Variants in VCAN observed in about 807,000 individuals in gnomAD.
VCAN encodes the protein versican core protein.
A neutral mutation model predicts 245.5 loss-of-function variants in VCAN; 44 were observed. The observed-to-expected ratio is 0.18, with a 90% CI of 0.14 to 0.23. VCAN has a LOEUF of 0.23. Ranked by LOEUF, VCAN falls within the 10% of genes least tolerant of loss-of-function variation. VCAN has a pLI of 1.00. For missense variants in VCAN, 3,793 were observed against 4,057.9 expected, an observed-to-expected ratio of 0.93 and a Z score of 1.77; for synonymous variants, 1,413 against 1,437.0, an observed-to-expected ratio of 0.98 and a Z score of 0.38.
At chr5:83,548,123 G>C in intron 10 of VCAN, 39 bp downstream of exon 10, 1 of 1,550,692 alleles carries the variant, frequency 6.4e-7, no homozygotes, top group South Asian at 1.1e-5. Flanking sequence ...GAACATTATT[G>C]ATTTTTTTTT....
chr5:83,558,317 G>A (rs1747748010), intron 12 of VCAN, among the ~76,000 whole-genome samples: 1 of 152,124 alleles, frequency 6.6e-6, no homozygotes, highest in Non-Finnish European at 1.5e-5. Context: ...TGGTCAGGGG[G>A]ATCAGTATCT....
At chr5:83,532,803 G>A (rs531790391) in intron 7 of VCAN, among the ~76,000 whole-genome samples, 73 of 152,122 alleles carry the variant, frequency 4.8e-4, no homozygotes, top group Middle Eastern at 3.4e-3. Context: ...ATTACTTTCA[G>A]AAAAAGGAAA....
At chr5:83,513,935 T>C (rs945211431) in intron 6 of VCAN, among the ~76,000 whole-genome samples, 6 of 152,302 alleles carry the variant, frequency 3.9e-5, no homozygotes, top group Middle Eastern at 3.4e-3. Context: ...TTTCTTGTGC[T>C]TTATTAATAA....
chr5:83,488,992 A>T (rs927224706), intron 2 of VCAN, among the ~76,000 whole-genome samples: 1 of 152,152 alleles, frequency 6.6e-6, no homozygotes, highest in South Asian at 2.1e-4. Context: ...CTTTTCTCCA[A>T]CTGTGTTTAC....
At chr5:83,500,804 A>G (rs1057070833) in intron 5 of VCAN, among the ~76,000 whole-genome samples, 5 of 152,292 alleles carry the variant, frequency 3.3e-5, no homozygotes, top group African/African-American at 9.6e-5. Flanking sequence ...TATTTGAGCA[A>G]TGATTGCATT....
chr5:83,519,418 C>T lies in VCAN; in HGVS notation c.1112C>T (p.Pro371Leu), dbSNP rs1745984120. 2.5e-6 allele frequency: 4 copies of T among 1,614,094 alleles called. No individual in the cohort carries two copies. The African/African-American group carries it at 4.0e-5, about 16-fold the overall frequency. ...ETASPSLSKE[P>L]QMVSDRTTPI... is the part of the protein sequence containing the mutation. Reference sequence around the variant, plus strand: ...GCATCACCCAGTTTATCCAAAGAACCACAAATGGTTTCTGATAGAACTACA... The same window carrying T: ...GCATCACCCAGTTTATCCAAAGAACTACAAATGGTTTCTGATAGAACTACA... Residue 371 changes from proline to leucine, a missense_variant, in exon 7 of 15, where the codon CCA (proline) becomes CTA (leucine). Coordinates refer to ENST00000265077, the MANE Select transcript of VCAN (RefSeq NM_004385.5).
At chr5:83,576,812 T>A (rs1490900840) in intron 13 of VCAN, among the ~76,000 whole-genome samples, 1 of 152,190 alleles carries the variant, frequency 6.6e-6, no homozygotes, top group Non-Finnish European at 1.5e-5. Context: ...CATTTTTTGA[T>A]ACGTCTCTCT....
chr5:83,511,578 T>G (rs567255623), intron 5 of VCAN, among the ~76,000 whole-genome samples: 1 of 151,896 alleles, frequency 6.6e-6, no homozygotes, highest in Admixed American at 6.6e-5. Context: ...TTATTTTTTT[T>G]TTTTTTTATT....
intron 7 of VCAN, among the ~76,000 whole-genome samples, chr5:83,533,714 A>T (rs1427791738): frequency 6.6e-6 from 1 of 152,144 alleles, no homozygotes; most frequent in African/African-American, 2.4e-5. Context: ...ATATTTATTT[A>T]GGTTAGAAAA....
rs778374884 is a variant in VCAN at position 83,539,663 on chromosome 5, TGTA to T, written c.6663_6665del (p.Val2222del). Reference sequence around the variant, plus strand: ...TAACTGAATCTATACCAGCTGAACATGTAGTCACAGATTCACCAATCAAAAAGG... The same window carrying T: ...TAACTGAATCTATACCAGCTGAACATGTCACAGATTCACCAATCAAAAAGG... On this transcript the variant is annotated inframe_deletion, in exon 8 of 15. Transcript: ENST00000265077. 1 of 1,613,790 alleles carries T rather than the reference TGTA, an allele frequency of 6.2e-7. No homozygotes were observed. Among genetic ancestry groups the T allele is most frequent in the Non-Finnish European group, 8.5e-7 (1 of 1,179,990 alleles).
chr5:83,515,998 C>A (rs1261481503), intron 6 of VCAN, among the ~76,000 whole-genome samples: 2 of 152,144 alleles, frequency 1.3e-5, no homozygotes, highest in Non-Finnish European at 2.9e-5. Context: ...TTTGGGAGGC[C>A]AAGGTGGGCG....
chr5:83,577,575 T>C (rs901550164), intron 13 of VCAN, among the ~76,000 whole-genome samples: 1 of 152,160 alleles, frequency 6.6e-6, no homozygotes, highest in Non-Finnish European at 1.5e-5. Flanking sequence ...AATAAGCCTT[T>C]ATCAAATTAT....
chr5:83,482,447 C>T (rs1200509027), intron 1 of VCAN, among the ~76,000 whole-genome samples: 1 of 152,196 alleles, frequency 6.6e-6, no homozygotes, highest in Non-Finnish European at 1.5e-5. Context: ...AAGATCATCC[C>T]TTGGGCTGGG....
chr5:83,519,616 A>G lies in VCAN; in HGVS notation c.1310A>G (p.Asp437Gly). Residue 437 changes from aspartate (D) to glycine (G), a missense_variant, in exon 7 of 15, where the codon GAT (aspartate) becomes GGT (glycine). This residue lies in a region of VCAN where 3,182 missense variants were observed against 3,250.3 expected (regional missense o/e 0.98). Coordinates refer to ENST00000265077, the MANE Select transcript of VCAN (RefSeq NM_004385.5). ...TGSTKKPWDM[D>G]DYSPSASGPL... ...AGTACCAAGAAGCCCTGGGATATGG[A>G]TGACTACTCACCTTCTGCTTCAGGA... 1 of 1,614,180 alleles carries G rather than the reference A, an allele frequency of 6.2e-7. No individual in the cohort carries two copies. The highest frequency in any genetic ancestry group is 8.5e-7 in the Non-Finnish European group (1 of 1,179,988).
At chr5:83,551,545 G>A (rs1747471663) in intron 10 of VCAN, among the ~76,000 whole-genome samples, 1 of 151,672 alleles carries the variant, frequency 6.6e-6, no homozygotes, top group Admixed American at 6.6e-5. Flanking sequence ...ACAAAAAAGG[G>A]GAAACCAAAC....
At chr5:83,567,758 G>A (rs1748141860) in intron 12 of VCAN, among the ~76,000 whole-genome samples, 1 of 152,184 alleles carries the variant, frequency 6.6e-6, no homozygotes, top group African/African-American at 2.4e-5. Flanking sequence ...GAGTCCCTGA[G>A]GCACAGACAA....
At position 83,537,070 on chromosome 5, in the gene VCAN, C is replaced by T; in HGVS notation, c.4067C>T (p.Pro1356Leu). ...PIDSESKEDE[P>L]CSEETDPVHD... ...GATTCAGAATCTAAAGAAGATGAAC[C>T]TTGTAGTGAAGAAACAGATCCAGTG... Residue 1356 changes from proline (P) to leucine (L), a missense_variant, in exon 8 of 15, where the codon CCT (proline) becomes CTT (leucine). By Grantham distance (98) the Pro-to-Leu change is moderately conservative (BLOSUM62 -3). Around this residue, in one of 5 missense-constraint regions of VCAN, gnomAD observed 3,182 missense variants for 3,250.3 expected, o/e 0.98. Coordinates refer to ENST00000265077, the MANE Select transcript of VCAN (RefSeq NM_004385.5). The T allele has an allele frequency of 6.2e-7, 1 of 1,613,422 alleles. No homozygotes were observed. The highest frequency in any genetic ancestry group is 8.5e-7 in the Non-Finnish European group (1 of 1,179,724).
In VCAN at chr5:83,540,456, G is replaced by A; in HGVS notation, c.7453G>A (p.Val2485Ile). The change falls in exon 8 of 15, where the codon GTT (valine) becomes ATT (isoleucine). Residue 2485 changes from valine (V) to isoleucine (I), a missense_variant. Val to Ile is a conservative substitution (Grantham distance 29). This residue lies in a region of VCAN where 3,182 missense variants were observed against 3,250.3 expected (regional missense o/e 0.98). Coordinates refer to ENST00000265077, the MANE Select transcript of VCAN (RefSeq NM_004385.5). ...KAVTADGFPT[V>I]SVMLPLHSEQ... Reference sequence around the variant, plus strand: ...TGTTACTGCTGATGGATTCCCAACAGTTTCAGTGATGCTGCCTCTTCATTC... The same window carrying A: ...TGTTACTGCTGATGGATTCCCAACAATTTCAGTGATGCTGCCTCTTCATTC... 1 of 1,613,986 alleles carries A rather than the reference G, an allele frequency of 6.2e-7. No individual in the cohort carries two copies.
At chr5:83,531,364 A>C (rs1746512445) in intron 7 of VCAN, 1 of 151,972 alleles carries the variant, frequency 6.6e-6, no homozygotes, top group Non-Finnish European at 1.5e-5. Flanking sequence ...AGGCTAGTTT[A>C]CTTACTTTGG....
Sources: gnomAD v4.1 joint callset for allele counts (sites outside exome capture counted in the v4.1 genomes callset) on GRCh38, gnomAD v4.1.1 for gene constraint, gnomAD v4.1.1 regional missense constraint, MANE v1.5 for transcripts, NCBI Gene and HGNC (gene_info 2026-07-23, HGNC 2026-07-21) for gene names.